The following DOCK3 variants were observed in gnomAD, a reference collection of about 807,000 sequenced individuals.
DOCK3 encodes dedicator of cytokinesis protein 3.
DOCK3 carries 60 observed loss-of-function variants against 265.6 expected under a neutral mutation model. The ratio of observed to expected loss-of-function variants is 0.23; its 90% CI spans 0.18 to 0.28. DOCK3 has a LOEUF of 0.28. Ranked by LOEUF, DOCK3 falls within the 10% of genes least tolerant of loss-of-function variation. The probability of loss-of-function intolerance (pLI) is 1.00; values close to 1 mark genes in which losing one functional copy is unlikely to be tolerated. For missense variants in DOCK3, 1,981 were observed against 2,594.3 expected (o/e 0.76, Z 5.14); for synonymous variants, 881 against 938.0 (o/e 0.94, Z 1.11).
chr3:51,322,487 G>A (rs561412404), intron 32 of DOCK3, among the ~76,000 whole-genome samples: 1 of 152,254 alleles, frequency 6.6e-6, no homozygotes, highest in Admixed American at 6.5e-5. Context: ...ACAGGCATGA[G>A]CCACCACGAC....
At position 50,862,967 on chromosome 3, in the gene DOCK3, G is replaced by A. The variant is rs987699299; in HGVS notation, c.162+21252G>A. 4.6e-5 allele frequency among the ~76,000 whole-genome samples: 7 copies of A among 152,308 alleles called. No homozygotes were observed. The South Asian group carries it at 1.4e-3, about 32-fold the overall frequency. ...ACTGCTGCTTCTGCAACAATCGATG[G>A]GAGCAGTTAGGGTGGGAGAGGGCCC... On this transcript the variant is annotated intron_variant, in intron 3 of 52. Coordinates refer to ENST00000266037, the MANE Select transcript of DOCK3 (RefSeq NM_004947.5).
intron 5 of DOCK3, among the ~76,000 whole-genome samples, chr3:50,988,342 C>G (rs1370966064): frequency 6.6e-6 from 1 of 152,206 alleles, no homozygotes; most frequent in East Asian, 1.9e-4. Flanking sequence ...GGGACCACCC[C>G]CCCACAACCC....
intron 22 of DOCK3, among the ~76,000 whole-genome samples, chr3:51,252,332 C>G (rs1467708834): frequency 6.6e-6 from 1 of 152,202 alleles, no homozygotes; most frequent in Non-Finnish European, 1.5e-5. Flanking sequence ...TTAGAATTGT[C>G]TTGGCAATGC....
chr3:50,969,397 G>A (rs1323688233), intron 5 of DOCK3, among the ~76,000 whole-genome samples: 1 of 152,094 alleles, frequency 6.6e-6, no homozygotes, highest in Admixed American at 6.5e-5. Flanking sequence ...CTTGTAAGCA[G>A]TATATGGTTG....
At chr3:50,819,185 T>C (rs1468131626) in intron 2 of DOCK3, among the ~76,000 whole-genome samples, 1 of 152,168 alleles carries the variant, frequency 6.6e-6, no homozygotes, top group African/African-American at 2.4e-5. Context: ...CACCTGCATG[T>C]ACTTCTGCTA....
At chr3:50,972,026 C>T (rs527457896) in intron 5 of DOCK3, among the ~76,000 whole-genome samples, 3 of 152,352 alleles carry the variant, frequency 2.0e-5, no homozygotes, top group Admixed American at 6.5e-5. Context: ...ATTGGACAGA[C>T]AATGCTTTCT....
chr3:50,874,948 A>T (rs539911574), intron 3 of DOCK3, among the ~76,000 whole-genome samples: 1 of 152,302 alleles, frequency 6.6e-6, no homozygotes, highest in South Asian at 2.1e-4. Flanking sequence ...TTCTTAGCAA[A>T]CTAACACAGA....
intron 22 of DOCK3, among the ~76,000 whole-genome samples, chr3:51,251,549 T>G (rs1441159066): frequency 6.6e-6 from 1 of 152,256 alleles, no homozygotes; most frequent in Non-Finnish European, 1.5e-5. Context: ...CCTGACTTTT[T>G]AATGATCGCC....
At chr3:50,753,837 A>G (rs2039988037) in intron 1 of DOCK3, among the ~76,000 whole-genome samples, 1 of 152,124 alleles carries the variant, frequency 6.6e-6, no homozygotes, top group Non-Finnish European at 1.5e-5. Context: ...GGATTGTGAA[A>G]TACAGAAATT....
At chr3:51,172,914 C>G (rs1042061493) in intron 12 of DOCK3, among the ~76,000 whole-genome samples, 2 of 152,118 alleles carry the variant, frequency 1.3e-5, no homozygotes, top group Admixed American at 6.6e-5. Context: ...TGTGTGAAAA[C>G]TCTACACTTT....
intron 9 of DOCK3, among the ~76,000 whole-genome samples, chr3:51,105,388 T>C (rs1320247071): frequency 6.6e-6 from 1 of 152,188 alleles, no homozygotes; most frequent in Non-Finnish European, 1.5e-5. Context: ...CCTACTCTGT[T>C]TCAGCAGTTC....
intron 4 of DOCK3, among the ~76,000 whole-genome samples, chr3:50,926,608 G>A (rs1389429444): frequency 6.6e-6 from 1 of 152,140 alleles, no homozygotes; most frequent in East Asian, 1.9e-4. Context: ...GATGAAAGTG[G>A]GACTTGAAAG....
intron 5 of DOCK3, among the ~76,000 whole-genome samples, chr3:51,020,152 A>G (rs2079522418): frequency 6.6e-6 from 1 of 151,888 alleles, no homozygotes; most frequent in Admixed American, 6.6e-5. Context: ...TGACTTTTAG[A>G]TAATAGCCCT....
chr3:51,038,896 T>C (rs2109009099), intron 5 of DOCK3, among the ~76,000 whole-genome samples: 1 of 152,206 alleles, frequency 6.6e-6, no homozygotes, highest in Non-Finnish European at 1.5e-5. Flanking sequence ...TATGCAGTTA[T>C]TTCCAAAAGA....
intron 5 of DOCK3, among the ~76,000 whole-genome samples, chr3:51,045,481 C>G (rs888537841): frequency 6.6e-6 from 1 of 152,006 alleles, no homozygotes; most frequent in Admixed American, 6.6e-5. Context: ...CAAGAATTAC[C>G]AGAATTCCAG....
chr3:51,078,821 A>G (rs1232430983), intron 7 of DOCK3, among the ~76,000 whole-genome samples: 1 of 152,166 alleles, frequency 6.6e-6, no homozygotes, highest in Non-Finnish European at 1.5e-5. Flanking sequence ...TCTAAAATGA[A>G]GGAGTAAATC....
chr3:50,806,252 C>T (rs539703482), intron 2 of DOCK3, among the ~76,000 whole-genome samples: 2 of 152,134 alleles, frequency 1.3e-5, no homozygotes, highest in African/African-American at 2.4e-5. Context: ...TAAGGCTGCT[C>T]AGTCAGCTCA....
chr3:51,248,858 T>A (rs1351518145), intron 22 of DOCK3, among the ~76,000 whole-genome samples: 4 of 109,316 alleles, frequency 3.7e-5, no homozygotes, highest in Non-Finnish European at 5.7e-5. Flanking sequence ...CCGTCTGGGA[T>A]GTGAGGAGCG....
rs1389764916 is a variant in DOCK3 at position 50,752,519 on chromosome 3, A to AC, written c.38-26156_38-26155insC. On this transcript the variant is annotated intron_variant, in intron 1 of 52. Transcript: ENST00000266037. Reference sequence around the variant, plus strand: ...CGAGAGTCCGTCTCAAAAAAAAAAAAAAAACAAAAACAACTGGGAGGCCAA... The same window carrying AC: ...CGAGAGTCCGTCTCAAAAAAAAAAAACAAAACAAAAACAACTGGGAGGCCAA... Among the ~76,000 whole-genome samples, 968 of 146,216 alleles carry AC rather than the reference A, an allele frequency of 6.6e-3. 15 individuals are homozygous for AC. Among genetic ancestry groups the AC allele is most frequent in the African/African-American group, 0.018 (694 of 39,654 alleles).
Sources: gnomAD v4.1 joint callset for allele counts (sites outside exome capture counted in the v4.1 genomes callset) on GRCh38, gnomAD v4.1.1 for gene constraint, MANE v1.5 for transcripts, NCBI Gene and HGNC (gene_info 2026-07-23, HGNC 2026-07-21) for gene names.